The following FAM110B variants were observed in gnomAD, a reference collection of about 807,000 sequenced individuals.
The protein encoded by FAM110B is protein FAM110B.
In FAM110B, 6 loss-of-function variants were observed where a neutral mutation model predicts 20.4. The observed-to-expected ratio is 0.29, with a 90% CI of 0.16 to 0.58. The LOEUF (loss-of-function observed/expected upper bound fraction) is 0.58. Among genes scored for constraint, FAM110B ranks in the 20% least tolerant of loss-of-function variants. The pLI, the probability that FAM110B is intolerant of heterozygous loss-of-function variation, is 0.90. For synonymous variants in FAM110B, 226 were observed against 214.1 expected (o/e 1.06, Z -0.49); for missense variants, 434 against 498.2 (o/e 0.87, Z 1.23).
intron 1 of FAM110B, among the ~76,000 whole-genome samples, chr8:58,010,847 A>G (rs1340333573): frequency 1.3e-5 from 2 of 152,216 alleles, no homozygotes; most frequent in East Asian, 3.9e-4. Flanking sequence ...ACAACTTAGA[A>G]AATTCATTTA....
At chr8:58,045,272 C>G (rs1192464632) in intron 2 of FAM110B, among the ~76,000 whole-genome samples, 1 of 152,200 alleles carries the variant, frequency 6.6e-6, no homozygotes, top group Non-Finnish European at 1.5e-5. Context: ...AGCAAAGTGA[C>G]ATATAACCAC....
chr8:58,010,635 C>T (rs1015739841), intron 1 of FAM110B, among the ~76,000 whole-genome samples: 15 of 152,216 alleles, frequency 9.9e-5, no homozygotes, highest in Middle Eastern at 3.4e-3. Context: ...GGAAGGAAAA[C>T]AGCTTAAATG....
intron 3 of FAM110B, among the ~76,000 whole-genome samples, chr8:58,084,393 CTTT>C (rs574705921): frequency 2.8e-5 from 4 of 140,720 alleles, no homozygotes; most frequent in African/African-American, 5.2e-5. Context: ...CTCCATTTTC[CTTT>C]TTTTTTTTTT....
chr8:58,031,929 T>G (rs999303358), intron 2 of FAM110B, among the ~76,000 whole-genome samples: 1 of 152,204 alleles, frequency 6.6e-6, no homozygotes, highest in Admixed American at 6.5e-5. Flanking sequence ...CCTGTGCTGG[T>G]CACTGTTCTA....
intron 3 of FAM110B, among the ~76,000 whole-genome samples, chr8:58,102,543 A>G (rs1316676570): frequency 6.6e-6 from 1 of 152,206 alleles, no homozygotes; most frequent in Non-Finnish European, 1.5e-5. Flanking sequence ...ACGAAAAGGA[A>G]TTTATTTGGG....
At chr8:58,132,988 G>A (rs10106186) in intron 3 of FAM110B, among the ~76,000 whole-genome samples, 3,929 of 152,200 alleles carry the variant, frequency 0.026, 75 homozygotes, top group South Asian at 0.092. Context: ...ATAGAAGCAA[G>A]TGGTATCATT....
intron 1 of FAM110B, among the ~76,000 whole-genome samples, chr8:58,022,607 TA>T (rs1275970942): frequency 3.3e-5 from 5 of 152,188 alleles, no homozygotes; most frequent in African/African-American, 7.2e-5. Flanking sequence ...TTTCAGCCTT[TA>T]AAAAAAGTAT....
intron 2 of FAM110B, among the ~76,000 whole-genome samples, chr8:58,064,112 T>C (rs904356266): frequency 1.3e-5 from 2 of 152,182 alleles, no homozygotes; most frequent in South Asian, 2.1e-4. Context: ...TCACTCACTG[T>C]ACAGTACCAA....
Position 58,146,068 on chromosome 8 carries a change from T to C in FAM110B, c.-163T>C. 1 of 750,726 alleles carries C rather than the reference T, an allele frequency of 1.3e-6. No individual in the cohort carries two copies. The highest frequency in any genetic ancestry group is 2.1e-6 in the Non-Finnish European group (1 of 480,068). The allele number at this position is 750,726 out of a possible 1,614,324, so 46.5% of individuals were successfully genotyped here. A position where few individuals can be genotyped will look rare whatever the true frequency, so the allele number is the denominator to read the frequency against. ...AAGTGTATGAAAGCCACCGTGGCGG[T>C]TAATGAGCTGTGAGATGAGGCGCTG... On this transcript the variant is annotated 5_prime_UTR_variant, in exon 4 of 4. Coordinates refer to ENST00000519262, the MANE Select transcript of FAM110B (RefSeq NM_001377989.1).
intron 1 of FAM110B, among the ~76,000 whole-genome samples, chr8:58,022,786 C>T (rs1162961898): frequency 6.6e-6 from 1 of 152,176 alleles, no homozygotes; most frequent in Non-Finnish European, 1.5e-5. Flanking sequence ...ATCATTGCCA[C>T]CTGCTCTGGA....
chr8:58,089,752 A>G (rs990058655), intron 3 of FAM110B, among the ~76,000 whole-genome samples: 2 of 152,214 alleles, frequency 1.3e-5, no homozygotes, highest in African/African-American at 4.8e-5. Flanking sequence ...CATAGCTCTT[A>G]TTTATTTTTG....
intron 3 of FAM110B, among the ~76,000 whole-genome samples, chr8:58,137,908 A>G (rs1803656623): frequency 6.6e-6 from 1 of 152,232 alleles, no homozygotes; most frequent in African/African-American, 2.4e-5. Flanking sequence ...CATCAAGATC[A>G]AAACTCCACC....
At chr8:58,101,343 GT>G (rs1242403951) in intron 3 of FAM110B, among the ~76,000 whole-genome samples, 1 of 152,216 alleles carries the variant, frequency 6.6e-6, no homozygotes, top group Non-Finnish European at 1.5e-5. Context: ...GACCATTTGT[GT>G]GTTGCCAAGC....
intron 3 of FAM110B, among the ~76,000 whole-genome samples, chr8:58,088,025 A>C (rs1354383299): frequency 6.6e-6 from 1 of 152,208 alleles, no homozygotes; most frequent in Non-Finnish European, 1.5e-5. Flanking sequence ...CTAGGACCTC[A>C]ACTCAATACC....
intron 3 of FAM110B, among the ~76,000 whole-genome samples, chr8:58,129,847 T>A (rs1803409699): frequency 6.6e-6 from 1 of 152,264 alleles, no homozygotes; most frequent in Admixed American, 6.5e-5. Flanking sequence ...CCCTCTTCTT[T>A]ACTGTCTTTT....
At chr8:58,092,283 A>G (rs1043785205) in intron 3 of FAM110B, among the ~76,000 whole-genome samples, 2 of 152,172 alleles carry the variant, frequency 1.3e-5, no homozygotes, top group Admixed American at 1.3e-4. Flanking sequence ...TCTGGGATAC[A>G]TGTGCAGAAT....
chr8:58,105,714 A>G (rs1481107078), intron 3 of FAM110B, among the ~76,000 whole-genome samples: 5 of 151,324 alleles, frequency 3.3e-5, no homozygotes, highest in Admixed American at 3.3e-4. Flanking sequence ...GACTACAGGC[A>G]CCCACCACCA....
At chr8:58,094,877 T>G (rs1806580099) in intron 3 of FAM110B, among the ~76,000 whole-genome samples, 1 of 152,158 alleles carries the variant, frequency 6.6e-6, no homozygotes, top group Non-Finnish European at 1.5e-5. Context: ...TCATCTTGTC[T>G]TGGATTTTTT....
intron 3 of FAM110B, among the ~76,000 whole-genome samples, chr8:58,127,845 GA>G (rs1325883490): frequency 2.6e-5 from 4 of 152,174 alleles, no homozygotes; most frequent in Non-Finnish European, 4.4e-5. Flanking sequence ...TTATGGACAG[GA>G]AGGCTCAACC....
Sources: gnomAD v4.1 joint callset for allele counts (sites outside exome capture counted in the v4.1 genomes callset) on GRCh38, gnomAD v4.1.1 for gene constraint, MANE v1.5 for transcripts, NCBI Gene and HGNC (gene_info 2026-07-23, HGNC 2026-07-21) for gene names.